Variants in CADM2 observed in about 807,000 individuals in gnomAD.
CADM2 encodes the protein immunoglobulin superfamily member 4D.
In CADM2, 12 loss-of-function variants were observed where a neutral mutation model predicts 49.8. That is an observed-to-expected ratio of 0.24 (90% CI 0.15 to 0.39). CADM2 has a LOEUF of 0.39. Among genes scored for constraint, CADM2 ranks in the 10% least tolerant of loss-of-function variants. The probability of loss-of-function intolerance (pLI) is 1.00; values close to 1 mark genes in which losing one functional copy is unlikely to be tolerated. For synonymous variants in CADM2, 214 were observed against 175.4 expected, an observed-to-expected ratio of 1.22 and a Z score of -1.74; for missense variants, 378 against 492.3, an observed-to-expected ratio of 0.77 and a Z score of 2.20.
intron 3 of CADM2, among the ~76,000 whole-genome samples, chr3:85,816,488 T>C (rs968420373): frequency 1.3e-5 from 2 of 152,200 alleles, no homozygotes; most frequent in African/African-American, 2.4e-5. Flanking sequence ...CTGTAATCAA[T>C]GATGATCCTA....
chr3:85,077,492 C>G (rs943422122), intron 1 of CADM2, among the ~76,000 whole-genome samples: 6 of 151,722 alleles, frequency 4.0e-5, no homozygotes, highest in Non-Finnish European at 7.4e-5. Flanking sequence ...GCACTGTTGC[C>G]CTGAAAATCA....
chr3:85,265,704 T>C (rs2043108041), intron 1 of CADM2, among the ~76,000 whole-genome samples: 1 of 152,010 alleles, frequency 6.6e-6, no homozygotes, highest in South Asian at 2.1e-4. Flanking sequence ...GTAGCACTCA[T>C]GAATAATATT....
chr3:85,538,081 A>G (rs73843646), intron 1 of CADM2, among the ~76,000 whole-genome samples: 2,396 of 152,220 alleles, frequency 0.016, 76 homozygotes, highest in African/African-American at 0.054. Context: ...AATAAAACCA[A>G]GATATATAAG....
intron 1 of CADM2, among the ~76,000 whole-genome samples, chr3:85,031,310 G>T (rs1576073381): frequency 6.6e-6 from 1 of 152,308 alleles, no homozygotes; most frequent in South Asian, 2.1e-4. Flanking sequence ...AGGGCATAGC[G>T]CAGGTAAGAG....
Position 85,290,442 on chromosome 3 carries a change from T to G in CADM2, c.61+330774T>G, listed in dbSNP as rs1176773762. Reference sequence around the variant, plus strand: ...CCAACTGGGTGGAGCCCACCACAGCTCAAGGAGGCCTGCTTGCCTCTGTAG... The same window carrying G: ...CCAACTGGGTGGAGCCCACCACAGCGCAAGGAGGCCTGCTTGCCTCTGTAG... On this transcript the variant is annotated intron_variant, in intron 1 of 9. Coordinates refer to ENST00000383699, the MANE Select transcript of CADM2 (RefSeq NM_001167675.2). 2.6e-5 allele frequency among the ~76,000 whole-genome samples: 4 copies of G among 152,130 alleles called. No individual in the cohort carries two copies. In the East Asian group the frequency reaches 7.7e-4, roughly 29 times the overall value.
chr3:85,624,888 A>G (rs1266538496), intron 1 of CADM2, among the ~76,000 whole-genome samples: 2 of 152,140 alleles, frequency 1.3e-5, no homozygotes, highest in Non-Finnish European at 2.9e-5. Context: ...TCAGCAGATC[A>G]TGGAGATTTA....
intron 2 of CADM2, among the ~76,000 whole-genome samples, chr3:85,737,562 C>CCT (rs2068189993): frequency 7.1e-6 from 1 of 141,788 alleles, no homozygotes; most frequent in African/African-American, 2.6e-5. Flanking sequence ...TCTTTTCTTT[C>CCT]TTTTTTTTTT....
chr3:85,012,378 C>A (rs1445728776), intron 1 of CADM2, among the ~76,000 whole-genome samples: 4 of 150,352 alleles, frequency 2.7e-5, no homozygotes, highest in Non-Finnish European at 1.5e-5. Flanking sequence ...CCAATACAGC[C>A]TAATGTTTAT....
chr3:85,127,164 G>C (rs7632909), intron 1 of CADM2, among the ~76,000 whole-genome samples: 81,470 of 151,796 alleles, frequency 0.54, 22,525 homozygotes, highest in Non-Finnish European at 0.58. Flanking sequence ...TTTTTTAAAG[G>C]GTGATTAAAA....
chr3:85,635,826 C>G (rs958184535), intron 1 of CADM2, among the ~76,000 whole-genome samples: 30 of 151,982 alleles, frequency 2.0e-4, no homozygotes, highest in Non-Finnish European at 3.2e-4. Flanking sequence ...GATATTTCAG[C>G]CAATGATGGA....
chr3:85,288,425 T>A (rs2043689712), intron 1 of CADM2, among the ~76,000 whole-genome samples: 1 of 152,140 alleles, frequency 6.6e-6, no homozygotes, highest in African/African-American at 2.4e-5. Context: ...TGTTAGATAA[T>A]TTTTGTTTTT....
chr3:85,806,954 T>C (rs185836949), intron 3 of CADM2, among the ~76,000 whole-genome samples: 1 of 152,252 alleles, frequency 6.6e-6, no homozygotes, highest in Admixed American at 6.5e-5. Flanking sequence ...TGTCCATTGA[T>C]AAATGGAAAA....
intron 1 of CADM2, among the ~76,000 whole-genome samples, chr3:85,371,677 G>GTGTGTATATATATA (rs1251505613): frequency 2.6e-4 from 25 of 95,128 alleles, no homozygotes; most frequent in African/African-American, 5.3e-4. Context: ...GTGTGTGTGT[G>GTGTGTATATATATA]TATATATATA....
intron 1 of CADM2, among the ~76,000 whole-genome samples, chr3:84,985,581 G>A (rs1021292314): frequency 5.3e-5 from 8 of 151,996 alleles, no homozygotes; most frequent in African/African-American, 1.4e-4. Flanking sequence ...AACAAGAAAC[G>A]TGCATTCATT....
intron 1 of CADM2, among the ~76,000 whole-genome samples, chr3:85,721,998 C>T (rs1472409116): frequency 6.6e-6 from 1 of 152,178 alleles, no homozygotes; most frequent in Non-Finnish European, 1.5e-5. Flanking sequence ...TGGGTAGTTC[C>T]TGTCTACGGG....
intron 1 of CADM2, among the ~76,000 whole-genome samples, chr3:85,384,185 C>T (rs1248425609): frequency 1.3e-5 from 2 of 151,892 alleles, no homozygotes; most frequent in South Asian, 2.1e-4. Flanking sequence ...GAAAGAAAAA[C>T]GACATCCCAT....
chr3:85,583,225 T>A (rs899759038), intron 1 of CADM2, among the ~76,000 whole-genome samples: 5 of 152,150 alleles, frequency 3.3e-5, no homozygotes, highest in African/African-American at 1.2e-4. Context: ...CTTTGTAAAT[T>A]TGGGTCTCTG....
chr3:85,271,297 A>C (rs2043236656), intron 1 of CADM2, among the ~76,000 whole-genome samples: 1 of 148,738 alleles, frequency 6.7e-6, no homozygotes, highest in Admixed American at 6.6e-5. Flanking sequence ...TTGCAGAAAT[A>C]AATATGAGTT....
At chr3:86,011,330 A>G (rs1177338005) in intron 8 of CADM2, among the ~76,000 whole-genome samples, 2 of 152,162 alleles carry the variant, frequency 1.3e-5, no homozygotes, top group Non-Finnish European at 2.9e-5. Flanking sequence ...TTTGTTTAAT[A>G]TTAAGAAATC....
Sources: gnomAD v4.1 joint callset for allele counts (sites outside exome capture counted in the v4.1 genomes callset) on GRCh38, gnomAD v4.1.1 for gene constraint, MANE v1.5 for transcripts, NCBI Gene and HGNC (gene_info 2026-07-23, HGNC 2026-07-21) for gene names.